The following TTC7B variants were observed in gnomAD, a reference collection of about 807,000 sequenced individuals.
TTC7B encodes the protein tetratricopeptide repeat protein 7B.
In TTC7B, 28 loss-of-function variants were observed where a neutral mutation model predicts 106.8. That is an observed-to-expected ratio of 0.26 (90% confidence interval 0.19 to 0.36). The LOEUF is 0.36. Among genes scored for constraint, TTC7B ranks in the 10% least tolerant of loss-of-function variants. TTC7B has a pLI of 1.00. For synonymous variants in TTC7B, 405 were observed against 430.6 expected (o/e 0.94, Z 0.74); for missense variants, 862 against 1,076.4 (o/e 0.80, Z 2.79).
chr14:90,762,363 C>A (rs1198752677), intron 3 of TTC7B, among the ~76,000 whole-genome samples: 2 of 151,080 alleles, frequency 1.3e-5, no homozygotes, highest in African/African-American at 5.0e-5. Context: ...GGGAAAAAGC[C>A]TGCAGAATTC....
chr14:90,683,204 G>A (rs543503959), intron 7 of TTC7B, among the ~76,000 whole-genome samples: 1 of 152,248 alleles, frequency 6.6e-6, no homozygotes, highest in East Asian at 1.9e-4. Context: ...CTCTATTTAG[G>A]TGCAGGGAGG....
At chr14:90,741,260 C>G (rs575852971) in intron 4 of TTC7B, among the ~76,000 whole-genome samples, 1 of 152,290 alleles carries the variant, frequency 6.6e-6, no homozygotes, top group South Asian at 2.1e-4. Context: ...AACATCCCCA[C>G]TACTAGAGAA....
Position 90,802,661 on chromosome 14 carries a change from T to C in TTC7B, c.121+13514A>G, listed in dbSNP as rs993735147. The stretch of plus-strand genomic sequence containing the variant: ...TTTGGAGCATGGGAATCCGACCTAC[T>C]GAAGAGCGGCGGTGCTCCTCCCGGT... On this transcript the variant is annotated intron_variant, in intron 1 of 19. Coordinates refer to ENST00000328459, the MANE Select transcript of TTC7B (RefSeq NM_001010854.2). This position sits in a 1 kb window ranked among gnomAD's most constrained non-coding sequence, Gnocchi z 4.7. 2.0e-5 allele frequency among the ~76,000 whole-genome samples: 3 copies of C among 152,176 alleles called. No individual in the cohort carries two copies. Among genetic ancestry groups the C allele is most frequent in the Non-Finnish European group, 4.4e-5 (3 of 68,024 alleles).
At chr14:90,613,481 G>A (rs773904969) in intron 16 of TTC7B, among the ~76,000 whole-genome samples, 5 of 152,142 alleles carry the variant, frequency 3.3e-5, no homozygotes, top group Admixed American at 1.3e-4. Context: ...TCATTTACAT[G>A]GTATAGAGTC....
intron 5 of TTC7B, among the ~76,000 whole-genome samples, chr14:90,727,978 G>A (rs1889174666): frequency 6.6e-6 from 1 of 152,216 alleles, no homozygotes; most frequent in Non-Finnish European, 1.5e-5. Flanking sequence ...AGCCCTGGCT[G>A]TGGCCCTCAG....
intron 3 of TTC7B, among the ~76,000 whole-genome samples, chr14:90,777,066 T>C (rs898457204): frequency 4.6e-5 from 7 of 151,924 alleles, no homozygotes; most frequent in African/African-American, 1.7e-4. Flanking sequence ...TGAAACCCTG[T>C]CTCTACTAAA....
chr14:90,762,778 A>C (rs1307415259), intron 3 of TTC7B, among the ~76,000 whole-genome samples: 1 of 152,254 alleles, frequency 6.6e-6, no homozygotes, highest in Non-Finnish European at 1.5e-5. Context: ...CTTTTGGATC[A>C]GGGCTGTTTG....
chr14:90,620,200 G>A (rs1893251976), intron 15 of TTC7B, among the ~76,000 whole-genome samples: 1 of 152,058 alleles, frequency 6.6e-6, no homozygotes, highest in Non-Finnish European at 1.5e-5. Flanking sequence ...GTAAAGGGAG[G>A]AATGTAGTCT....
intron 9 of TTC7B, among the ~76,000 whole-genome samples, chr14:90,668,363 T>G (rs1335606882): frequency 6.6e-6 from 1 of 152,172 alleles, no homozygotes; most frequent in Non-Finnish European, 1.5e-5. Flanking sequence ...CCAAGTATAT[T>G]TCTCAAAGTC....
chr14:90,542,301 G>A (rs1317474675), intron 19 of TTC7B, among the ~76,000 whole-genome samples: 3 of 152,002 alleles, frequency 2.0e-5, no homozygotes, highest in African/African-American at 7.3e-5. Flanking sequence ...GAATGATGAC[G>A]ACAGTTTTTA....
intron 16 of TTC7B, 125 bp from the exon 17 acceptor site, chr14:90,610,964 ATCTT>A (rs962361943): frequency 1.4e-6 from 1 of 728,838 alleles, no homozygotes; most frequent in East Asian, 2.5e-5. Context: ...GTTCTTCAGC[ATCTT>A]TCTTATGAAG....
At chr14:90,591,880 C>T (rs1167684134) in intron 18 of TTC7B, among the ~76,000 whole-genome samples, 1 of 152,226 alleles carries the variant, frequency 6.6e-6, no homozygotes, top group Non-Finnish European at 1.5e-5. Context: ...TACTCCTTGG[C>T]CCTCAGAGCC....
At chr14:90,725,935 C>T (rs1889084083) in intron 5 of TTC7B, among the ~76,000 whole-genome samples, 1 of 152,220 alleles carries the variant, frequency 6.6e-6, no homozygotes, top group Admixed American at 6.5e-5. Flanking sequence ...CCTAAAGCAA[C>T]CTGCAGTAAC....
chr14:90,651,151 T>C (rs1216600761), intron 13 of TTC7B, among the ~76,000 whole-genome samples: 2 of 152,242 alleles, frequency 1.3e-5, no homozygotes, highest in Non-Finnish European at 2.9e-5. Flanking sequence ...TAAGAAGTAA[T>C]ACAAATCATT....
At chr14:90,644,579 C>T (rs1272596226) in intron 14 of TTC7B, among the ~76,000 whole-genome samples, 1 of 152,190 alleles carries the variant, frequency 6.6e-6, no homozygotes, top group East Asian at 1.9e-4. Context: ...TGATTTTGCT[C>T]TAAGTGGAGA....
chr14:90,664,377 C>A (rs1375323617), intron 9 of TTC7B, among the ~76,000 whole-genome samples: 2 of 152,128 alleles, frequency 1.3e-5, no homozygotes, highest in Non-Finnish European at 2.9e-5. Context: ...TCAAGCGATT[C>A]GCCTGCCTCA....
chr14:90,542,715 C>T (rs982488425), intron 19 of TTC7B, among the ~76,000 whole-genome samples: 1 of 35,832 alleles, frequency 2.8e-5, no homozygotes, highest in African/African-American at 1.2e-4. Context: ...TATAAACAGA[C>T]AAAAAGGAAC....
At chr14:90,678,468 T>G (rs1886926779) in intron 8 of TTC7B, among the ~76,000 whole-genome samples, 1 of 152,212 alleles carries the variant, frequency 6.6e-6, no homozygotes, top group Admixed American at 6.5e-5. Flanking sequence ...GTCTAAAAAC[T>G]AAACAATCGA....
intron 5 of TTC7B, among the ~76,000 whole-genome samples, chr14:90,727,434 C>T (rs369714812): frequency 4.6e-5 from 7 of 152,350 alleles, no homozygotes; most frequent in Admixed American, 2.0e-4. Context: ...CTCACATTGC[C>T]CACTGCACAT....
Sources: allele counts gnomAD v4.1 joint callset (sites outside exome capture counted in the v4.1 genomes callset), GRCh38; gene constraint gnomAD v4.1.1; non-coding constraint Gnocchi (gnomAD v3.1); transcripts MANE v1.5; gene names NCBI Gene and HGNC (gene_info 2026-07-23, HGNC 2026-07-21).